The following MTF2 variants were observed in gnomAD, a reference collection of about 807,000 sequenced individuals.
The protein encoded by MTF2 is metal-response element-binding transcription factor 2.
MTF2 carries 11 observed loss-of-function variants against 79.5 expected under a neutral mutation model. The ratio of observed to expected loss-of-function variants is 0.14; its 90% CI spans 0.09 to 0.23. The LOEUF (loss-of-function observed/expected upper bound fraction) is 0.23, where lower values mean the gene tolerates loss of function less well. MTF2 is among the 10% of genes least tolerant of loss of function. MTF2 has a pLI of 1.00. For missense variants in MTF2, 486 were observed against 711.2 expected, an observed-to-expected ratio of 0.68 and a Z score of 3.60; for synonymous variants, 208 against 232.8, an observed-to-expected ratio of 0.89 and a Z score of 0.97.
At chr1:93,124,516 T>C (rs1005243845) in intron 9 of MTF2, among the ~76,000 whole-genome samples, 1 of 152,072 alleles carries the variant, frequency 6.6e-6, no homozygotes, top group Non-Finnish European at 1.5e-5. Context: ...TATGGAGTGC[T>C]ACTTCACTTC....
At chr1:93,102,448 G>A (rs748898452) in intron 1 of MTF2, among the ~76,000 whole-genome samples, 2 of 152,014 alleles carry the variant, frequency 1.3e-5, no homozygotes, top group African/African-American at 2.4e-5. Flanking sequence ...TCAGGTGGGC[G>A]TGGTGGCATG....
At chr1:93,081,805 T>G (rs1654617094) in intron 1 of MTF2, among the ~76,000 whole-genome samples, 1 of 152,194 alleles carries the variant, frequency 6.6e-6, no homozygotes. Context: ...ATTTATAATT[T>G]AATTCATTAA....
chr1:93,115,010 A>G lies in MTF2; in HGVS notation c.405A>G (p.Thr135=). Residue 135 remains threonine, a synonymous_variant, in exon 5 of 15, where the codon ACA becomes ACG. Coordinates refer to ENST00000370298, the MANE Select transcript of MTF2 (RefSeq NM_007358.4). ...CGQGYHQLCH[T]PHIDSSVIDS... is the part of the protein sequence containing the mutation. ...AAGGATATCATCAGTTGTGTCACACACCTCATATTGATTCCAGTGTGATTG... is the reference window on the plus strand; with the variant it reads ...AAGGATATCATCAGTTGTGTCACACGCCTCATATTGATTCCAGTGTGATTG... 2.5e-6 allele frequency: 4 copies of G among 1,607,974 alleles called. No homozygotes were observed. The highest frequency in any genetic ancestry group is 3.4e-6 in the Non-Finnish European group (4 of 1,175,718).
chr1:93,119,642 A>G (rs1397291081), intron 8 of MTF2: 4 of 383,500 alleles, frequency 1.0e-5, no homozygotes, highest in African/African-American at 8.4e-5. Context: ...TATCCTTTAG[A>G]CCTAAATTCT....
intron 1 of MTF2, among the ~76,000 whole-genome samples, chr1:93,086,182 C>T (rs1398603557): frequency 6.6e-6 from 1 of 152,056 alleles, no homozygotes; most frequent in African/African-American, 2.4e-5. Flanking sequence ...CATGACTATG[C>T]TTAGAAGGAA....
rs766001397 is a variant in MTF2 at position 93,124,610 on chromosome 1, G to A, written c.922-2622G>A. Among the ~76,000 whole-genome samples the A allele has an allele frequency of 1.9e-4, 29 of 152,088 alleles. No homozygotes were observed. In the South Asian group the frequency reaches 2.1e-3, roughly 11 times the overall value. On this transcript the variant is annotated intron_variant, in intron 9 of 14. Transcript: ENST00000370298. ...TACTAGAGGAAAATATACAATAGAGGTGGAATAATATTTATAAGTGGAAAT... is the reference window on the plus strand; with the variant it reads ...TACTAGAGGAAAATATACAATAGAGATGGAATAATATTTATAAGTGGAAAT...
chr1:93,082,345 A>G (rs376307866), intron 1 of MTF2, among the ~76,000 whole-genome samples: 7 of 150,506 alleles, frequency 4.7e-5, no homozygotes, highest in Non-Finnish European at 8.8e-5. Context: ...AAGTGGTGCT[A>G]TCATAACTTG....
At position 93,079,437 on chromosome 1, in the gene MTF2, T is replaced by TAAGTGC; in HGVS notation, c.-89_-84dup. 1 of 1,554,068 alleles carries TAAGTGC rather than the reference T, an allele frequency of 6.4e-7. No homozygotes were observed. The highest frequency in any genetic ancestry group is 8.9e-7 in the Non-Finnish European group (1 of 1,127,986). ...GGTACCCGGTGGGGCGGGTGCCCAG[T>TAAGTGC]AAGTGCTCGGACTCGCAGGGGAAGC... On this transcript the variant is annotated 5_prime_UTR_variant, in exon 1 of 15. Coordinates refer to ENST00000370298, the MANE Select transcript of MTF2 (RefSeq NM_007358.4).
intron 1 of MTF2, among the ~76,000 whole-genome samples, chr1:93,099,212 T>A (rs1242342001): frequency 1.3e-5 from 2 of 152,184 alleles, no homozygotes; most frequent in Non-Finnish European, 2.9e-5. Flanking sequence ...AGAGATCCCA[T>A]GTGGATTTAT....
intron 11 of MTF2, among the ~76,000 whole-genome samples, chr1:93,133,039 A>G (rs181958282): frequency 6.1e-4 from 89 of 146,614 alleles, no homozygotes; most frequent in Middle Eastern, 3.5e-3. Context: ...TTTCCTTCCT[A>G]TTGCTTGGTA....
intron 1 of MTF2, among the ~76,000 whole-genome samples, chr1:93,085,292 C>G (rs1353402612): frequency 6.6e-6 from 1 of 151,272 alleles, no homozygotes; most frequent in East Asian, 1.9e-4. Flanking sequence ...TCTCCTGCCT[C>G]AGCCTCATGA....
At chr1:93,134,862 A>G (rs1647321790) in intron 14 of MTF2, among the ~76,000 whole-genome samples, 1 of 151,974 alleles carries the variant, frequency 6.6e-6, no homozygotes, top group Admixed American at 6.6e-5. Context: ...TCAGACACCT[A>G]AATCCTTTTG....
intron 1 of MTF2, among the ~76,000 whole-genome samples, chr1:93,098,067 T>C (rs1340634462): frequency 6.6e-6 from 1 of 152,178 alleles, no homozygotes; most frequent in Non-Finnish European, 1.5e-5. Context: ...TATAGCTTGG[T>C]CTTTTTTTGT....
intron 9 of MTF2, among the ~76,000 whole-genome samples, chr1:93,125,501 T>C (rs1656659727): frequency 6.6e-6 from 1 of 151,982 alleles, no homozygotes; most frequent in Non-Finnish European, 1.5e-5. Flanking sequence ...TGGAGGGCCA[T>C]AGGGGTTCTG....
At chr1:93,103,242 TTTA>T (rs1655622881) in intron 1 of MTF2, among the ~76,000 whole-genome samples, 1 of 151,236 alleles carries the variant, frequency 6.6e-6, no homozygotes, top group South Asian at 2.1e-4. Flanking sequence ...TACGTAGTAT[TTTA>T]TTATATATAT....
chr1:93,126,979 G>A (rs997025828), intron 9 of MTF2, among the ~76,000 whole-genome samples: 7 of 152,002 alleles, frequency 4.6e-5, no homozygotes, highest in Middle Eastern at 3.2e-3. Flanking sequence ...TAAACATATC[G>A]TTGGATTAAT....
chr1:93,125,836 G>T (rs1438733839), intron 9 of MTF2, among the ~76,000 whole-genome samples: 1 of 152,062 alleles, frequency 6.6e-6, no homozygotes, highest in Non-Finnish European at 1.5e-5. Context: ...TATTTGAAGA[G>T]CTGTCTTGTA....
At chr1:93,110,692 T>C in intron 3 of MTF2, 66 bp downstream of exon 3, 3 of 1,283,846 alleles carry the variant, frequency 2.3e-6, no homozygotes, top group Non-Finnish European at 2.3e-6. Context: ...ACTTGTCATA[T>C]TATGATGTTG....
intron 1 of MTF2, among the ~76,000 whole-genome samples, chr1:93,109,224 T>A (rs992348403): frequency 6.6e-6 from 1 of 152,230 alleles, no homozygotes; most frequent in Non-Finnish European, 1.5e-5. Flanking sequence ...CTGATGGTGG[T>A]ATGCTTTGCT....
Sources: allele counts gnomAD v4.1 joint callset (sites outside exome capture counted in the v4.1 genomes callset), GRCh38; gene constraint gnomAD v4.1.1; transcripts MANE v1.5; gene names NCBI Gene and HGNC (gene_info 2026-07-23, HGNC 2026-07-21).